The following DOCK2 variants were observed in gnomAD, a reference collection of about 807,000 sequenced individuals.
DOCK2 encodes dedicator of cytokinesis 2.
DOCK2 carries 87 observed loss-of-function variants against 248.9 expected under a neutral mutation model. The ratio of observed to expected loss-of-function variants is 0.35; its 90% CI spans 0.29 to 0.42. DOCK2 has a LOEUF of 0.42. Among genes scored for constraint, DOCK2 ranks in the 10% least tolerant of loss-of-function variants. The pLI, the probability that DOCK2 is intolerant of heterozygous loss-of-function variation, is 1.00. For synonymous variants in DOCK2, 805 were observed against 821.6 expected (o/e 0.98, Z 0.35); for missense variants, 1,747 against 2,300.2 (o/e 0.76, Z 4.92).
At chr5:170,022,701 A>G (rs1755772081) in intron 33 of DOCK2, among the ~76,000 whole-genome samples, 1 of 152,012 alleles carries the variant, frequency 6.6e-6, no homozygotes, top group Non-Finnish European at 1.5e-5. Flanking sequence ...AGCGGTCATC[A>G]CACTTGTCCC....
chr5:169,952,733 G>A (rs1049894623), intron 27 of DOCK2, among the ~76,000 whole-genome samples: 2 of 152,204 alleles, frequency 1.3e-5, no homozygotes, highest in African/African-American at 4.8e-5. Flanking sequence ...GACATCTCAG[G>A]TAGGGGTTGT....
intron 9 of DOCK2, among the ~76,000 whole-genome samples, chr5:169,689,695 T>C (rs1336787881): frequency 1.3e-5 from 2 of 152,234 alleles, no homozygotes; most frequent in East Asian, 3.8e-4. Flanking sequence ...CCTGAGTTCC[T>C]TTCTTTGTTC....
At chr5:170,077,866 C>A (rs752925000) in intron 48 of DOCK2, 29 bp downstream of exon 48, 1 of 1,605,260 alleles carries the variant, frequency 6.2e-7, no homozygotes, top group African/African-American at 1.3e-5. Context: ...AGGAGCCCCC[C>A]ACACCCCTGC....
intron 27 of DOCK2, among the ~76,000 whole-genome samples, chr5:169,854,673 T>G (rs1770797646): frequency 6.6e-6 from 1 of 152,258 alleles, no homozygotes; most frequent in African/African-American, 2.4e-5. Context: ...TCCCCTGGAC[T>G]GCTTTTCCTT....
chr5:169,692,872 A>G lies in DOCK2; in HGVS notation c.844-2931A>G, dbSNP rs150787853. Among the ~76,000 whole-genome samples the G allele has an allele frequency of 5.5e-3, 835 of 152,184 alleles. 3 individuals are homozygous for G. The highest frequency in any genetic ancestry group is 0.018 in the African/African-American group (760 of 41,478). On this transcript the variant is annotated intron_variant, in intron 9 of 51. Coordinates refer to ENST00000520908, the MANE Select transcript of DOCK2 (RefSeq NM_004946.3). ...TCTCTCTGTGTTTGTCTGTGCCCTG[A>G]TATCTTCTTATAAGGACACCAGTCA...
chr5:169,958,502 G>A (rs1776954859), intron 27 of DOCK2, among the ~76,000 whole-genome samples: 1 of 152,046 alleles, frequency 6.6e-6, no homozygotes, highest in Non-Finnish European at 1.5e-5. Context: ...CACAGAAAGG[G>A]CAGCTGTTAC....
At position 169,712,106 on chromosome 5, in the gene DOCK2, A is replaced by G; in HGVS notation, c.1556-14A>G. 6.2e-7 allele frequency: 1 copy of G among 1,614,014 alleles called. No homozygotes were observed. The highest frequency in any genetic ancestry group is 1.7e-4 in the Middle Eastern group (1 of 6,058). ...GTATCATTTTCTTTCCTGACCCCAC[A>G]ATGCTATTTCCAGCTAAAGATAAAG... On this transcript the variant is annotated splice_polypyrimidine_tract_variant and intron_variant, in intron 16 of 51. Transcript: ENST00000520908.
At chr5:169,637,975 G>A (rs1756931649) in intron 1 of DOCK2, among the ~76,000 whole-genome samples, 1 of 152,152 alleles carries the variant, frequency 6.6e-6, no homozygotes, top group African/African-American at 2.4e-5. Flanking sequence ...CAAGAAGCTA[G>A]CTTCGTCAGC....
chr5:170,069,370 C>T, intron 46 of DOCK2, 150 bp downstream of exon 46: 1 of 741,652 alleles, frequency 1.3e-6, no homozygotes, highest in Non-Finnish European at 2.3e-6. Flanking sequence ...AACTCTGTAT[C>T]ACACCTGAGC....
At chr5:169,773,400 T>A (rs1765205871) in intron 25 of DOCK2, among the ~76,000 whole-genome samples, 1 of 152,084 alleles carries the variant, frequency 6.6e-6, no homozygotes, top group South Asian at 2.1e-4. Context: ...GAGAAAAAAA[T>A]TCCCGATCAC....
chr5:169,679,207 T>C (rs771428844), intron 6 of DOCK2, among the ~76,000 whole-genome samples: 14 of 152,130 alleles, frequency 9.2e-5, no homozygotes, highest in Non-Finnish European at 1.8e-4. Context: ...GCCCAGCTGA[T>C]TTTACCTTTT....
Position 169,950,177 on chromosome 5 carries a change from G to GT in DOCK2, c.2800-32889dup, listed in dbSNP as rs138649321. ...GAGACAGGAGCCATCGTGGAAGGTG[G>GT]TTGGAAGCTTGGTCACTGGAGCCAG... On this transcript the variant is annotated intron_variant, in intron 27 of 51. Transcript: ENST00000520908. 7.5e-3 allele frequency among the ~76,000 whole-genome samples: 1,148 copies of GT among 152,216 alleles called. 16 individuals are homozygous for GT. The highest frequency in any genetic ancestry group is 0.027 in the African/African-American group (1,102 of 41,518).
chr5:170,003,294 A>G (rs757642658), intron 30 of DOCK2, among the ~76,000 whole-genome samples: 1 of 152,236 alleles, frequency 6.6e-6, no homozygotes, highest in Non-Finnish European at 1.5e-5. Context: ...CAGAAAGGTC[A>G]AGTCACTAGC....
At chr5:169,646,359 T>A (rs1348665384) in intron 1 of DOCK2, among the ~76,000 whole-genome samples, 1 of 152,244 alleles carries the variant, frequency 6.6e-6, no homozygotes, top group Non-Finnish European at 1.5e-5. Flanking sequence ...TGTGTCATCA[T>A]GTTTAGCCCT....
At chr5:169,911,481 T>G (rs261007) in intron 27 of DOCK2, among the ~76,000 whole-genome samples, 54,737 of 151,960 alleles carry the variant, frequency 0.36, 10,371 homozygotes, top group East Asian at 0.53. Context: ...ATGTTTAATG[T>G]GGCCAGTGAC....
At chr5:169,815,878 C>A (rs1226154951) in intron 26 of DOCK2, among the ~76,000 whole-genome samples, 1 of 152,152 alleles carries the variant, frequency 6.6e-6, no homozygotes, top group African/African-American at 2.4e-5. Flanking sequence ...CCCTTCTATT[C>A]ACCCTCCAAG....
rs943634044 is a variant in DOCK2, at chr5:169,702,241, T to C, written c.1259-62T>C. ...CTTCTCACCCTCCATCCCCTCTAGT[T>C]AGTCAGCGTCTCTCCTGCTGTAATC... On this transcript the variant is annotated intron_variant, in intron 13 of 51. Transcript: ENST00000520908. 15 of 1,583,706 alleles carry C rather than the reference T, an allele frequency of 9.5e-6. No homozygotes were observed. The African/African-American group carries it at 1.2e-4, about 13-fold the overall frequency.
intron 1 of DOCK2, among the ~76,000 whole-genome samples, chr5:169,649,812 C>G (rs951019638): frequency 6.8e-6 from 1 of 146,344 alleles, no homozygotes; most frequent in Admixed American, 6.8e-5. Context: ...TTTTTTCTTT[C>G]TTTTTTTTTT....
intron 27 of DOCK2, among the ~76,000 whole-genome samples, chr5:169,879,246 G>A (rs1393261591): frequency 2.0e-5 from 3 of 152,162 alleles, no homozygotes; most frequent in Admixed American, 6.5e-5. Flanking sequence ...ATCCATCATC[G>A]GGGAGAGAGA....
Sources: gnomAD v4.1 joint callset for allele counts (sites outside exome capture counted in the v4.1 genomes callset) on GRCh38, gnomAD v4.1.1 for gene constraint, MANE v1.5 for transcripts, NCBI Gene and HGNC (gene_info 2026-07-23, HGNC 2026-07-21) for gene names.